The following ESRP1 variants were observed in gnomAD, a reference collection of about 807,000 sequenced individuals.
ESRP1 encodes RNA-binding motif protein 35A.
Under a neutral mutation model 81.7 loss-of-function variants are expected in ESRP1, and 33 were observed. The observed-to-expected ratio is 0.40, with a 90% CI of 0.31 to 0.54. The LOEUF (loss-of-function observed/expected upper bound fraction) is 0.54, where lower values mean the gene tolerates loss of function less well. ESRP1 is among the 20% of genes least tolerant of loss of function. The pLI is 0.41. For missense variants in ESRP1, 672 were observed against 833.1 expected, an observed-to-expected ratio of 0.81 and a Z score of 2.38; for synonymous variants, 320 against 303.3, an observed-to-expected ratio of 1.06 and a Z score of -0.57.
chr8:94,696,714 T>C (rs1809619367), intron 14 of ESRP1, 138 bp from the exon 15 acceptor site: 3 of 625,420 alleles, frequency 4.8e-6, no homozygotes, highest in South Asian at 2.3e-5. Flanking sequence ...AGTAGATATG[T>C]ATATGGCTTG....
intron 1 of ESRP1, 51 bp downstream of exon 1, chr8:94,641,501 T>C: frequency 6.2e-7 from 1 of 1,611,628 alleles, no homozygotes; most frequent in Non-Finnish European, 8.5e-7. Flanking sequence ...AAGAAGTTTG[T>C]GGTAGAGGTT....
At position 94,665,180 on chromosome 8, in the gene ESRP1, C is replaced by T; in HGVS notation, c.915C>T (p.Phe305=). The change falls in exon 9 of 16, where the codon TTC becomes TTT. Residue 305 remains phenylalanine (F), a synonymous_variant. Coordinates refer to ENST00000433389, the MANE Select transcript of ESRP1 (RefSeq NM_017697.4). ...IEVYKATGED[F]LKIAGGTSNE... is the part of the protein sequence containing the mutation. ...TTTACAAAGCAACAGGTGAAGATTTCCTTAAAATTGCTGGTGGTAAGTGCC... is the reference window on the plus strand; with the variant it reads ...TTTACAAAGCAACAGGTGAAGATTTTCTTAAAATTGCTGGTGGTAAGTGCC... The T allele has an allele frequency of 6.2e-7, 1 of 1,613,164 alleles. No individual in the cohort carries two copies. The highest frequency in any genetic ancestry group is 1.3e-5 in the African/African-American group (1 of 75,068).
chr8:94,692,598 C>G, intron 13 of ESRP1, 79 bp from the exon 14 acceptor site: 2 of 1,473,558 alleles, frequency 1.4e-6, no homozygotes, highest in South Asian at 1.3e-5. Context: ...ATTCTGTTTC[C>G]TTAAGTAACT....
At chr8:94,672,757 T>C (rs1221244314) in intron 11 of ESRP1, among the ~76,000 whole-genome samples, 1 of 152,174 alleles carries the variant, frequency 6.6e-6, no homozygotes, top group Non-Finnish European at 1.5e-5. Flanking sequence ...GGTCTCAAAC[T>C]CCTGACCTCG....
At chr8:94,664,198 A>G (rs1268147064) in intron 6 of ESRP1, among the ~76,000 whole-genome samples, 1 of 140,530 alleles carries the variant, frequency 7.1e-6, no homozygotes, top group African/African-American at 2.7e-5. Flanking sequence ...ATCTCAGCTC[A>G]CTGCAGCCTC....
At chr8:94,663,292 C>A (rs1438815713) in intron 6 of ESRP1, among the ~76,000 whole-genome samples, 1 of 152,142 alleles carries the variant, frequency 6.6e-6, no homozygotes. Context: ...TGTTGCCCAG[C>A]TGGAATATCG....
chr8:94,668,413 G>A (rs1819130701), intron 10 of ESRP1, 163 bp downstream of exon 10: 1 of 637,026 alleles, frequency 1.6e-6, no homozygotes, highest in Non-Finnish European at 2.6e-6. Context: ...GATAGCCGCT[G>A]TTATCCTGTA....
At chr8:94,674,777 G>C (rs1036656575) in intron 12 of ESRP1, among the ~76,000 whole-genome samples, 1 of 152,188 alleles carries the variant, frequency 6.6e-6, no homozygotes, top group Non-Finnish European at 1.5e-5. Flanking sequence ...GTGTGCTCCA[G>C]ATAAGCACTG....
intron 13 of ESRP1, among the ~76,000 whole-genome samples, chr8:94,679,188 A>T (rs114922131): frequency 0.015 from 2,242 of 152,312 alleles, 68 homozygotes; most frequent in African/African-American, 0.051. Flanking sequence ...GCCACTTTTA[A>T]TTATGTTTTT....
rs1301547999 is a variant in ESRP1, at chr8:94,706,560, C to A, written c.*671C>A. 1 of 152,610 alleles carries A rather than the reference C, an allele frequency of 6.6e-6. No homozygotes were observed. Among genetic ancestry groups the A allele is most frequent in the Admixed American group, 6.5e-5 (1 of 15,268 alleles). 9.5% of individuals were successfully genotyped at this position (152,610 alleles called of 1,614,324 possible). On this transcript the variant is annotated 3_prime_UTR_variant, in exon 16 of 16. Coordinates refer to ENST00000433389, the MANE Select transcript of ESRP1 (RefSeq NM_017697.4). ...ACATACAAAGTTTAAAAGTTTGGAT[C>A]TTTTTCTCAGCAGGTATCAGTTGTA...
intron 3 of ESRP1, among the ~76,000 whole-genome samples, chr8:94,645,778 T>G (rs922888482): frequency 2.0e-5 from 3 of 152,200 alleles, no homozygotes; most frequent in African/African-American, 7.2e-5. Context: ...CACACCTGTG[T>G]GAAAACTGAA....
intron 15 of ESRP1, among the ~76,000 whole-genome samples, chr8:94,698,138 A>G (rs1039435729): frequency 1.3e-5 from 2 of 152,238 alleles, no homozygotes; most frequent in Non-Finnish European, 2.9e-5. Context: ...TAACAATTTT[A>G]AAGTGTCCAG....
At chr8:94,673,096 T>G (rs1252811444) in intron 11 of ESRP1, among the ~76,000 whole-genome samples, 1 of 152,206 alleles carries the variant, frequency 6.6e-6, no homozygotes, top group African/African-American at 2.4e-5. Context: ...ACATGCTCAT[T>G]CTAAGTCTTC....
chr8:94,705,181 T>C (rs913340956), intron 15 of ESRP1, among the ~76,000 whole-genome samples: 1 of 75,432 alleles, frequency 1.3e-5, no homozygotes, highest in Non-Finnish European at 2.8e-5. Context: ...TTTTTTTTTT[T>C]TTTTGAGACA....
chr8:94,692,112 T>C (rs1425212966), intron 13 of ESRP1, among the ~76,000 whole-genome samples: 1 of 152,204 alleles, frequency 6.6e-6, no homozygotes, highest in Non-Finnish European at 1.5e-5. Flanking sequence ...ATGTATCTCT[T>C]CCAACGTCCG....
chr8:94,656,512 C>T (rs1184022352), intron 4 of ESRP1, among the ~76,000 whole-genome samples: 1 of 152,208 alleles, frequency 6.6e-6, no homozygotes, highest in Non-Finnish European at 1.5e-5. Context: ...TGAGCCACCA[C>T]GCCCGGCCCA....
intron 2 of ESRP1, among the ~76,000 whole-genome samples, chr8:94,642,306 T>C (rs907168041): frequency 6.6e-6 from 1 of 152,206 alleles, no homozygotes; most frequent in Non-Finnish European, 1.5e-5. Flanking sequence ...CGACATTCAC[T>C]AGTTTTCGAG....
In ESRP1 at chr8:94,703,238, T is replaced by C. The variant is rs1809919691; in HGVS notation, c.*36-2687T>C. On this transcript the variant is annotated intron_variant, in intron 15 of 15. Coordinates refer to ENST00000433389, the MANE Select transcript of ESRP1 (RefSeq NM_017697.4). ...GGCGCAATCTCGGCTCACTGCAACC[T>C]CCACCTCCCGGGTTCAAGCGATTCT... Among the ~76,000 whole-genome samples the C allele has an allele frequency of 2.0e-5, 3 of 150,260 alleles. No homozygotes were observed. In the South Asian group the frequency reaches 6.5e-4, roughly 32 times the overall value.
intron 13 of ESRP1, among the ~76,000 whole-genome samples, chr8:94,690,352 C>G (rs568893945): frequency 7.7e-6 from 1 of 129,306 alleles, no homozygotes; most frequent in African/African-American, 3.0e-5. Context: ...AGGCTGGTCT[C>G]GAACTCCTGG....
Sources: allele counts gnomAD v4.1 joint callset (sites outside exome capture counted in the v4.1 genomes callset), GRCh38; gene constraint gnomAD v4.1.1; transcripts MANE v1.5; gene names NCBI Gene and HGNC (gene_info 2026-07-23, HGNC 2026-07-21).